Variants in TMEM232 observed in about 807,000 individuals in gnomAD.
The protein encoded by TMEM232 is transmembrane protein 232.
Under a neutral mutation model 78.8 loss-of-function variants are expected in TMEM232, and 80 were observed. That is an observed-to-expected ratio of 1.01 (90% CI 0.85 to 1.22). The LOEUF is 1.22. Ranked by LOEUF, TMEM232 falls within the 50% of genes most tolerant of loss-of-function variation. The pLI, the probability that TMEM232 is intolerant of heterozygous loss-of-function variation, is 0.00. For missense variants in TMEM232, 881 were observed against 742.2 expected (o/e 1.19, Z -2.17); for synonymous variants, 297 against 254.3 (o/e 1.17, Z -1.60).
intron 5 of TMEM232, among the ~76,000 whole-genome samples, chr5:110,630,415 G>A (rs1482382708): frequency 1.3e-5 from 2 of 152,186 alleles, no homozygotes; most frequent in Admixed American, 1.3e-4. Context: ...TTGGCTCTGT[G>A]TTCCCACCCA....
chr5:110,412,540 C>G (rs1420272435), intron 2 of TMEM232, among the ~76,000 whole-genome samples: 3 of 150,636 alleles, frequency 2.0e-5, no homozygotes, highest in Non-Finnish European at 2.9e-5. Flanking sequence ...TGTATTAACT[C>G]CATAGTTGCA....
chr5:110,561,628 T>C (rs1054126006), intron 11 of TMEM232, among the ~76,000 whole-genome samples: 2 of 152,068 alleles, frequency 1.3e-5, no homozygotes, highest in African/African-American at 4.8e-5. Context: ...TGTAAAAATA[T>C]CACCAAAAAC....
At chr5:110,435,614 C>G (rs1055094498) in intron 12 of TMEM232, among the ~76,000 whole-genome samples, 2 of 151,938 alleles carry the variant, frequency 1.3e-5, no homozygotes, top group East Asian at 1.9e-4. Context: ...CCCCTCTACC[C>G]TTCACTACCT....
At chr5:110,697,961 C>T (rs966085916) in intron 1 of TMEM232, among the ~76,000 whole-genome samples, 1 of 152,144 alleles carries the variant, frequency 6.6e-6, no homozygotes, top group Non-Finnish European at 1.5e-5. Context: ...GATTATAAAT[C>T]ATGCTGCTAT....
At chr5:110,704,076 G>T (rs906036100) in intron 1 of TMEM232, among the ~76,000 whole-genome samples, 1 of 151,992 alleles carries the variant, frequency 6.6e-6, no homozygotes, top group South Asian at 2.1e-4. Context: ...TTCTGTCAAG[G>T]CTTAACCAAA....
chr5:110,420,431 C>A lies in TMEM232; in HGVS notation c.*149G>T. On this transcript the variant is annotated 3_prime_UTR_variant, in exon 14 of 14. Transcript: ENST00000455884. ...TAAGAAATAACTATTAAACAAACAG[C>A]TTGTATCAGGAAAACAAATTCTTTC... 3.8e-6 allele frequency: 2 copies of A among 526,338 alleles called. No individual in the cohort carries two copies. The highest frequency in any genetic ancestry group is 6.3e-6 in the Non-Finnish European group (2 of 319,224). The allele number at this position is 526,338 out of a possible 1,614,324, so 32.6% of individuals were successfully genotyped here. A position where few individuals can be genotyped will look rare whatever the true frequency, so the allele number is the denominator to read the frequency against.
intron 12 of TMEM232, among the ~76,000 whole-genome samples, chr5:110,450,301 T>C (rs1346489064): frequency 1.3e-5 from 2 of 152,108 alleles, no homozygotes; most frequent in East Asian, 1.9e-4. Flanking sequence ...CTCTTCTCCG[T>C]CTCTTGCTTT....
intron 11 of TMEM232, among the ~76,000 whole-genome samples, chr5:110,535,384 C>G (rs1001172033): frequency 6.6e-6 from 1 of 152,100 alleles, no homozygotes. Context: ...TACCCAAATC[C>G]TATAAAACGG....
intron 7 of TMEM232, among the ~76,000 whole-genome samples, chr5:110,620,781 G>A (rs1783630912): frequency 6.6e-6 from 1 of 150,506 alleles, no homozygotes; most frequent in Admixed American, 6.6e-5. Flanking sequence ...AAGAGGAAAG[G>A]AACCTGCCAC....
chr5:110,674,811 G>A (rs1466708210), intron 1 of TMEM232, among the ~76,000 whole-genome samples: 1 of 152,112 alleles, frequency 6.6e-6, no homozygotes, highest in Non-Finnish European at 1.5e-5. Context: ...CAAACTTAGA[G>A]AACAAATAAA....
At chr5:110,427,627 T>A (rs1467347982) in intron 12 of TMEM232, among the ~76,000 whole-genome samples, 1 of 151,838 alleles carries the variant, frequency 6.6e-6, no homozygotes, top group Non-Finnish European at 1.5e-5. Context: ...GGAAAAAAAA[T>A]TCTAAATCAA....
intron 12 of TMEM232, among the ~76,000 whole-genome samples, chr5:110,475,135 G>A (rs889120903): frequency 1.5e-4 from 23 of 152,050 alleles, no homozygotes; most frequent in African/African-American, 5.3e-4. Flanking sequence ...TTAGTGTAAG[G>A]AAGTAGACCA....
chr5:110,670,622 A>AT (rs376843318), intron 1 of TMEM232, among the ~76,000 whole-genome samples: 24 of 151,616 alleles, frequency 1.6e-4, no homozygotes, highest in South Asian at 2.1e-4. Flanking sequence ...AGCAAATGGG[A>AT]TTTTTTTTTC....
chr5:110,583,073 A>T (rs1778393812), intron 10 of TMEM232, among the ~76,000 whole-genome samples: 1 of 151,974 alleles, frequency 6.6e-6, no homozygotes, highest in South Asian at 2.1e-4. Flanking sequence ...AAATGTTTAC[A>T]CTACCTAACG....
At chr5:110,568,339 G>T in intron 11 of TMEM232, 108 bp downstream of exon 11, 1 of 1,014,090 alleles carries the variant, frequency 9.9e-7, no homozygotes, top group Non-Finnish European at 1.4e-6. Context: ...TCACCTGTAA[G>T]TCATTAATAC....
chr5:110,599,767 A>G (rs1250232157), intron 10 of TMEM232, among the ~76,000 whole-genome samples: 1 of 152,172 alleles, frequency 6.6e-6, no homozygotes, highest in East Asian at 1.9e-4. Context: ...ACGAGACAGG[A>G]AATTAACAAG....
chr5:110,568,172 T>C (rs1347141065), intron 11 of TMEM232, among the ~76,000 whole-genome samples: 1 of 151,970 alleles, frequency 6.6e-6, no homozygotes, highest in African/African-American at 2.4e-5. Flanking sequence ...TATGGTGGAA[T>C]CACCCCTTAC....
chr5:110,432,344 A>G (rs1757948641), intron 12 of TMEM232, among the ~76,000 whole-genome samples: 1 of 151,750 alleles, frequency 6.6e-6, no homozygotes, highest in Admixed American at 6.6e-5. Context: ...ATTCTGAAAG[A>G]AAATAAATGC....
At chr5:110,401,283 C>CTTTTTTTTTTTTTTTTTTTT (rs1278936876) in intron 2 of TMEM232, among the ~76,000 whole-genome samples, 11 of 143,992 alleles carry the variant, frequency 7.6e-5, no homozygotes, top group African/African-American at 2.9e-4. Context: ...ACACAACATT[C>CTTTTTTTTTTTTTTTTTTTT]TTTTTTTTTT....
Sources: allele counts gnomAD v4.1 joint callset (sites outside exome capture counted in the v4.1 genomes callset), GRCh38; gene constraint gnomAD v4.1.1; transcripts MANE v1.5; gene names NCBI Gene and HGNC (gene_info 2026-07-23, HGNC 2026-07-21).